The following NPAS3 variants were observed in gnomAD, a reference collection of about 807,000 sequenced individuals.
NPAS3 encodes neuronal PAS domain-containing protein 3.
Under a neutral mutation model 73.1 loss-of-function variants are expected in NPAS3, and 14 were observed. The observed-to-expected ratio is 0.19, with a 90% CI of 0.13 to 0.30. NPAS3 has a LOEUF of 0.30. NPAS3 is among the 10% of genes least tolerant of loss of function. The pLI is 1.00. For missense variants in NPAS3, 1,096 were observed against 1,250.0 expected (o/e 0.88, Z 1.86); for synonymous variants, 620 against 541.5 (o/e 1.14, Z -2.01).
At chr14:33,022,531 G>A (rs1382539203) in intron 1 of NPAS3, among the ~76,000 whole-genome samples, 1 of 152,056 alleles carries the variant, frequency 6.6e-6, no homozygotes, top group African/African-American at 2.4e-5. Flanking sequence ...TGGGCGTGGT[G>A]GCGGGAGCCT....
intron 1 of NPAS3, among the ~76,000 whole-genome samples, chr14:32,947,246 A>G (rs894415076): frequency 2.0e-5 from 3 of 152,150 alleles, no homozygotes; most frequent in South Asian, 2.1e-4. Flanking sequence ...CCTTTCTGCT[A>G]CAGTAACACT....
intron 3 of NPAS3, among the ~76,000 whole-genome samples, chr14:33,282,462 G>A (rs2041667656): frequency 6.6e-6 from 1 of 152,156 alleles, no homozygotes; most frequent in Non-Finnish European, 1.5e-5. Flanking sequence ...GAAATTAAGG[G>A]GAATGCAGCT....
intron 4 of NPAS3, among the ~76,000 whole-genome samples, chr14:33,489,388 T>C (rs1034550571): frequency 6.6e-6 from 1 of 152,126 alleles, no homozygotes; most frequent in Non-Finnish European, 1.5e-5. Context: ...GTGGCTGAGA[T>C]TGGTTTCATT....
rs541997996 is a variant in NPAS3 at position 33,328,513 on chromosome 14, C to G, written c.386-38673C>G. On this transcript the variant is annotated intron_variant, in intron 3 of 11. Coordinates refer to ENST00000356141, the Ensembl canonical transcript of NPAS3. ...ACAGAGTCTCGCTCTGTCACCCAGG[C>G]TGGAGTGCAGTGGCGCGATCTTGGC... 1.1e-4 allele frequency among the ~76,000 whole-genome samples: 12 copies of G among 107,082 alleles called. No individual in the cohort carries two copies. In the East Asian group the frequency reaches 3.7e-3, roughly 33 times the overall value. 70.2% of individuals were successfully genotyped at this position (107,082 alleles called of 152,430 possible).
At chr14:32,996,522 C>T (rs1018706479) in intron 1 of NPAS3, among the ~76,000 whole-genome samples, 32 of 152,164 alleles carry the variant, frequency 2.1e-4, no homozygotes, top group African/African-American at 1.7e-4. Flanking sequence ...AGCCGGGCCC[C>T]GGGTCCCTGT....
chr14:33,480,180 C>T (rs10137877), intron 4 of NPAS3, among the ~76,000 whole-genome samples: 13,528 of 152,216 alleles, frequency 0.089, 1,112 homozygotes, highest in African/African-American at 0.22. Flanking sequence ...GTCTTATTCT[C>T]TACTCAACAC....
intron 2 of NPAS3, among the ~76,000 whole-genome samples, chr14:33,131,184 A>C (rs2043621797): frequency 6.6e-6 from 1 of 152,078 alleles, no homozygotes; most frequent in African/African-American, 2.4e-5. Flanking sequence ...TCAAGGAAAA[A>C]CTAGTTTTTA....
At chr14:33,089,568 A>G (rs1346646299) in intron 2 of NPAS3, among the ~76,000 whole-genome samples, 4 of 152,194 alleles carry the variant, frequency 2.6e-5, no homozygotes, top group African/African-American at 9.7e-5. Context: ...AAGTTGGAAA[A>G]CACTCTGCAG....
At chr14:33,677,359 A>AT (rs1011591402) in intron 6 of NPAS3, among the ~76,000 whole-genome samples, 1 of 152,120 alleles carries the variant, frequency 6.6e-6, no homozygotes, top group Non-Finnish European at 1.5e-5. Context: ...GAAGTTTAAG[A>AT]TTTTTTGATG....
intron 3 of NPAS3, among the ~76,000 whole-genome samples, chr14:33,246,537 C>CAA (rs56270689): frequency 0.11 from 11,556 of 102,852 alleles, 767 homozygotes; most frequent in Non-Finnish European, 0.18. Context: ...GACTTCATCT[C>CAA]AAAAAAAAAA....
chr14:33,722,052 G>A (rs1047620704), intron 6 of NPAS3, among the ~76,000 whole-genome samples: 1 of 152,122 alleles, frequency 6.6e-6, no homozygotes. Flanking sequence ...CAAATGCAGT[G>A]GGAGCATTCA....
At chr14:33,084,109 C>T (rs1244618195) in intron 2 of NPAS3, among the ~76,000 whole-genome samples, 1 of 152,142 alleles carries the variant, frequency 6.6e-6, no homozygotes, top group East Asian at 1.9e-4. Context: ...TTGGTGTAAT[C>T]ACATCACCCA....
chr14:33,751,940 CAA>C (rs1036653315), intron 7 of NPAS3, among the ~76,000 whole-genome samples: 2 of 152,010 alleles, frequency 1.3e-5, no homozygotes, highest in African/African-American at 4.8e-5. Context: ...TGCAAATATT[CAA>C]AGTTATGTGT....
chr14:33,228,984 C>T (rs1194562819), intron 3 of NPAS3, among the ~76,000 whole-genome samples: 1 of 152,022 alleles, frequency 6.6e-6, no homozygotes, highest in African/African-American at 2.4e-5. Context: ...TTTTAGATAT[C>T]CGTTGGTGTT....
intron 4 of NPAS3, among the ~76,000 whole-genome samples, chr14:33,539,572 C>T (rs1484731666): frequency 2.6e-5 from 4 of 152,042 alleles, no homozygotes; most frequent in African/African-American, 9.7e-5. Context: ...TTTCATGTTG[C>T]TGTTACGGTA....
At chr14:33,622,813 AG>A (rs1344879062) in intron 5 of NPAS3, among the ~76,000 whole-genome samples, 2 of 152,222 alleles carry the variant, frequency 1.3e-5, no homozygotes, top group African/African-American at 4.8e-5. Flanking sequence ...AGTTGCTATA[AG>A]GAAGAACTCT....
intron 4 of NPAS3, among the ~76,000 whole-genome samples, chr14:33,375,923 T>C (rs145898008): frequency 6.6e-6 from 1 of 152,176 alleles, no homozygotes; most frequent in Non-Finnish European, 1.5e-5. Flanking sequence ...TTCACCTAAG[T>C]TGCTGGGCTT....
chr14:33,157,260 G>A (rs559658727), intron 2 of NPAS3, among the ~76,000 whole-genome samples: 1 of 152,272 alleles, frequency 6.6e-6, no homozygotes, highest in South Asian at 2.1e-4. Context: ...GACATATTTT[G>A]CAGGTTACTT....
chr14:33,111,648 ATTTTCTTTTT>A (rs1453815199), intron 2 of NPAS3, among the ~76,000 whole-genome samples: 3 of 146,338 alleles, frequency 2.1e-5, no homozygotes, highest in Non-Finnish European at 3.0e-5. Flanking sequence ...AGTTCCTTAA[ATTTTCTTTTT>A]TTTTCTTTTT....
Sources: gnomAD v4.1 joint callset for allele counts (sites outside exome capture counted in the v4.1 genomes callset) on GRCh38, gnomAD v4.1.1 for gene constraint, MANE v1.5 for transcripts, NCBI Gene and HGNC (gene_info 2026-07-23, HGNC 2026-07-21) for gene names.